The following UNC5C variants were observed in gnomAD, a reference collection of about 807,000 sequenced individuals.
UNC5C encodes the protein netrin receptor UNC5C.
In UNC5C, 47 loss-of-function variants were observed where a neutral mutation model predicts 99.8. That is an observed-to-expected ratio of 0.47 (90% CI 0.37 to 0.60). UNC5C has a LOEUF of 0.60. Ranked by LOEUF, UNC5C falls within the 20% of genes least tolerant of loss-of-function variation. The pLI is 0.00. For synonymous variants in UNC5C, 487 were observed against 452.2 expected, an observed-to-expected ratio of 1.08 and a Z score of -0.98; for missense variants, 1,062 against 1,165.9, an observed-to-expected ratio of 0.91 and a Z score of 1.30.
chr4:95,505,129 C>T (rs1170387914), intron 1 of UNC5C, among the ~76,000 whole-genome samples: 2 of 151,982 alleles, frequency 1.3e-5, no homozygotes, highest in Admixed American at 6.6e-5. Flanking sequence ...TTAACTGGTC[C>T]GTTATCAGAA....
intron 1 of UNC5C, among the ~76,000 whole-genome samples, chr4:95,527,538 T>A (rs1722530408): frequency 6.6e-6 from 1 of 152,154 alleles, no homozygotes; most frequent in Non-Finnish European, 1.5e-5. Flanking sequence ...GGTCTTTATG[T>A]TGCTATCATA....
chr4:95,252,748 C>T (rs946590092), intron 4 of UNC5C, among the ~76,000 whole-genome samples: 2 of 152,128 alleles, frequency 1.3e-5, no homozygotes, highest in African/African-American at 4.8e-5. Context: ...ACCTCATGAC[C>T]GGTTGCAGTC....
At chr4:95,355,949 G>A (rs549569605) in intron 1 of UNC5C, among the ~76,000 whole-genome samples, 1 of 151,888 alleles carries the variant, frequency 6.6e-6, no homozygotes, top group South Asian at 2.1e-4. Flanking sequence ...CAGTAGTTTG[G>A]GGGACTGAGG....
intron 1 of UNC5C, among the ~76,000 whole-genome samples, chr4:95,340,770 C>A (rs1474420516): frequency 2.0e-5 from 3 of 151,996 alleles, no homozygotes; most frequent in African/African-American, 7.2e-5. Context: ...AAGGGGGCAC[C>A]ATTTTCTGCC....
At chr4:95,253,703 C>T (rs1382488682) in intron 4 of UNC5C, among the ~76,000 whole-genome samples, 1 of 152,156 alleles carries the variant, frequency 6.6e-6, no homozygotes, top group Non-Finnish European at 1.5e-5. Context: ...CCCAGGACTC[C>T]TCCAGCTTCT....
chr4:95,279,825 G>A (rs1197338027), intron 3 of UNC5C, among the ~76,000 whole-genome samples: 1 of 152,194 alleles, frequency 6.6e-6, no homozygotes, highest in African/African-American at 2.4e-5. Flanking sequence ...ACTAGGGACT[G>A]GTTTCATGGC....
intron 10 of UNC5C, among the ~76,000 whole-genome samples, chr4:95,208,377 A>G (rs958724193): frequency 2.6e-5 from 4 of 152,220 alleles, no homozygotes; most frequent in African/African-American, 9.6e-5. Flanking sequence ...TCCCAACATG[A>G]AAGGCTCTTA....
rs780028639 is a variant in UNC5C, at chr4:95,548,831, C to G, written c.27G>C (p.Ala9=). 1.2e-6 allele frequency: 2 copies of G among 1,613,272 alleles called. No individual in the cohort carries two copies. The highest frequency in any genetic ancestry group is 3.3e-5 in the Admixed American group (2 of 60,024). ...ATCCCAGTCCCAGTCCGCAGCGGGC[C>G]GCTGTCGCCCGCAGACCTTTCCTCA... MRKGLRAT[A]ARCGLGLGYL... is the part of the protein sequence containing the mutation. Residue 9 remains alanine (A), a synonymous_variant, in exon 1 of 16, where the codon GCG becomes GCC. Coordinates refer to ENST00000453304, the MANE Select transcript of UNC5C (RefSeq NM_003728.4).
intron 1 of UNC5C, among the ~76,000 whole-genome samples, chr4:95,361,276 T>A (rs569548698): frequency 6.6e-6 from 1 of 152,214 alleles, no homozygotes; most frequent in African/African-American, 2.4e-5. Flanking sequence ...GCTGATTTGT[T>A]GTTTTCATAC....
intron 1 of UNC5C, among the ~76,000 whole-genome samples, chr4:95,475,215 C>T (rs1250843619): frequency 1.3e-5 from 2 of 151,998 alleles, no homozygotes; most frequent in Admixed American, 1.3e-4. Flanking sequence ...ACTCTCTCCT[C>T]TTGACTAAGA....
At chr4:95,420,255 T>C (rs969125950) in intron 1 of UNC5C, among the ~76,000 whole-genome samples, 16 of 152,208 alleles carry the variant, frequency 1.1e-4, no homozygotes, top group Non-Finnish European at 1.9e-4. Flanking sequence ...CTTTAGGTTC[T>C]AATTCTTGTT....
At chr4:95,517,875 A>AT (rs900262833) in intron 1 of UNC5C, among the ~76,000 whole-genome samples, 9 of 151,632 alleles carry the variant, frequency 5.9e-5, no homozygotes, top group Admixed American at 2.0e-4. Context: ...TCTGATTTAG[A>AT]TTTTTTTTTC....
At chr4:95,213,434 G>C (rs1738143028) in intron 10 of UNC5C, among the ~76,000 whole-genome samples, 1 of 152,176 alleles carries the variant, frequency 6.6e-6, no homozygotes, top group South Asian at 2.1e-4. Context: ...TAGAAATCCT[G>C]AGCACAGCCT....
chr4:95,505,307 C>A (rs973471766), intron 1 of UNC5C, among the ~76,000 whole-genome samples: 5 of 152,036 alleles, frequency 3.3e-5, no homozygotes, highest in African/African-American at 1.2e-4. Context: ...ACAGCCAGGT[C>A]TTTATGAGCG....
intron 3 of UNC5C, among the ~76,000 whole-genome samples, chr4:95,285,058 G>A (rs1378877124): frequency 6.6e-6 from 1 of 151,916 alleles, no homozygotes; most frequent in Admixed American, 6.6e-5. Context: ...GGCAGGTTGT[G>A]GATACTATTG....
chr4:95,520,223 G>T (rs1161092491), intron 1 of UNC5C, among the ~76,000 whole-genome samples: 2 of 152,130 alleles, frequency 1.3e-5, no homozygotes, highest in Non-Finnish European at 2.9e-5. Flanking sequence ...AAATATATTT[G>T]TAAGTATATT....
chr4:95,481,813 A>C (rs1187382773), intron 1 of UNC5C, among the ~76,000 whole-genome samples: 1 of 152,128 alleles, frequency 6.6e-6, no homozygotes, highest in African/African-American at 2.4e-5. Flanking sequence ...CATATGTAGA[A>C]AGCTGAAAGT....
At chr4:95,317,977 C>T (rs761134154) in intron 2 of UNC5C, among the ~76,000 whole-genome samples, 16 of 152,048 alleles carry the variant, frequency 1.1e-4, no homozygotes, top group Non-Finnish European at 2.1e-4. Context: ...ATGTCTGAAT[C>T]CCTGGGACCT....
intron 1 of UNC5C, among the ~76,000 whole-genome samples, chr4:95,521,470 G>A (rs1256624554): frequency 6.6e-6 from 1 of 151,638 alleles, no homozygotes; most frequent in African/African-American, 2.4e-5. Flanking sequence ...CACCTGGCTC[G>A]GCCTCCCAAA....
Sources: allele counts gnomAD v4.1 joint callset (sites outside exome capture counted in the v4.1 genomes callset), GRCh38; gene constraint gnomAD v4.1.1; transcripts MANE v1.5; gene names NCBI Gene and HGNC (gene_info 2026-07-23, HGNC 2026-07-21).